The following RNF19A variants were observed in gnomAD, a reference collection of about 807,000 sequenced individuals.
RNF19A encodes the protein ring finger protein 19A, RBR E3 ubiquitin protein ligase.
In RNF19A, 32 loss-of-function variants were observed where a neutral mutation model predicts 75.7. The observed-to-expected ratio is 0.42, with a 90% confidence interval of 0.32 to 0.57. RNF19A has a LOEUF of 0.57. Among genes scored for constraint, RNF19A ranks in the 20% least tolerant of loss-of-function variants. The pLI is 0.10. For synonymous variants in RNF19A, 335 were observed against 345.2 expected, an observed-to-expected ratio of 0.97 and a Z score of 0.33; for missense variants, 782 against 1,036.3, an observed-to-expected ratio of 0.75 and a Z score of 3.37.
At chr8:100,312,257 A>G (rs555391224), upstream of RNF19A, 12 of 152,364 alleles carry the variant, frequency 7.9e-5, no homozygotes, top group African/African-American at 2.9e-4. Context: ...GTTGCACCCA[A>G]CAATTAAATC....
rs1034076595 is a variant in RNF19A at position 100,293,540 on chromosome 8, T to C, written c.-93-5273A>G. Among the ~76,000 whole-genome samples the C allele has an allele frequency of 3.3e-5, 5 of 152,350 alleles. No individual in the cohort carries two copies. In the South Asian group the frequency reaches 1.0e-3, roughly 32 times the overall value. On this transcript the variant is annotated intron_variant, in intron 1 of 9. Coordinates refer to ENST00000341084, the MANE Select transcript of RNF19A (RefSeq NM_183419.4). ...CTTGCATTCAACATTGTTTTCTATCTTGGATGTTCAGCAGTTTGATAAAGA... is the reference window on the plus strand; with the variant it reads ...CTTGCATTCAACATTGTTTTCTATCCTGGATGTTCAGCAGTTTGATAAAGA...
intron 2 of RNF19A, among the ~76,000 whole-genome samples, chr8:100,276,096 T>C (rs895185865): frequency 6.6e-6 from 1 of 152,252 alleles, no homozygotes; most frequent in Non-Finnish European, 1.5e-5. Context: ...AGGCATTCTT[T>C]GGCATTTATC....
intron 1 of RNF19A, among the ~76,000 whole-genome samples, chr8:100,305,601 T>A (rs545124409): frequency 6.6e-6 from 1 of 152,356 alleles, no homozygotes; most frequent in Admixed American, 6.5e-5. Flanking sequence ...GTATTTCTAT[T>A]GGACAACACT....
chr8:100,316,008 T>C (rs1383056406), intron 1 of RNF19A, among the ~76,000 whole-genome samples: 2 of 152,182 alleles, frequency 1.3e-5, no homozygotes, highest in East Asian at 1.9e-4. Context: ...CCGTGGACCC[T>C]TGCGGTGAGT....
At chr8:100,277,121 T>C (rs559714821) in intron 2 of RNF19A, among the ~76,000 whole-genome samples, 82 of 152,358 alleles carry the variant, frequency 5.4e-4, no homozygotes, top group African/African-American at 1.9e-3. Flanking sequence ...GTTTTATCAA[T>C]GCATGTCTTT....
In RNF19A at chr8:100,260,608, A is replaced by G. The variant is rs374761999; in HGVS notation, c.1683-611T>C. Among the ~76,000 whole-genome samples the G allele has an allele frequency of 1.4e-4, 22 of 152,350 alleles. No individual in the cohort carries two copies. In the South Asian group the frequency reaches 3.7e-3, roughly 26 times the overall value. The stretch of plus-strand genomic sequence containing the variant: ...TTAAAAAGAGGTAGTATATACCACT[A>G]TAACTTAAGAGTTTGTATTTAAAAG... On this transcript the variant is annotated intron_variant, in intron 8 of 9. Transcript: ENST00000341084. The surrounding 1 kb of genome is among the most constrained non-coding windows in gnomAD (Gnocchi z 4.1).
In RNF19A at chr8:100,261,698, C is replaced by T. The variant is rs772925847; in HGVS notation, c.1526G>A (p.Gly509Asp). 9 of 1,614,034 alleles carry T rather than the reference C, an allele frequency of 5.6e-6. No individual in the cohort carries two copies. Among genetic ancestry groups the T allele is most frequent in the Admixed American group, 5.0e-5 (3 of 59,988 alleles). The change falls in exon 8 of 10, where the codon GGT becomes GAT. Residue 509 changes from glycine (G) to aspartate (D), a missense_variant. By Grantham distance (94) the Gly-to-Asp change is moderately conservative. Around this residue, in one of 7 missense-constraint regions of RNF19A, gnomAD observed 442 missense variants for 541.6 expected, o/e 0.82. Transcript: ENST00000341084. The surrounding 1 kb of genome is among the most constrained non-coding windows in gnomAD (Gnocchi z 4.4). ...TGCACTCAAACTGCCAGTCAGCCCA[C>T]CAACACTTCCCTCCCCTATGCTTGG... is the stretch of plus-strand genomic sequence containing the variant. The part of the protein sequence containing the change: ...HNPSIGEGSV[G>D]GLTGSLSASG...
At chr8:100,274,028 G>A (rs1333813050) in intron 3 of RNF19A, among the ~76,000 whole-genome samples, 4 of 151,948 alleles carry the variant, frequency 2.6e-5, no homozygotes, top group African/African-American at 4.8e-5. Flanking sequence ...CAAGTGATTC[G>A]CCTGCCTCAG....
At chr8:100,293,189 C>T (rs566036265) in intron 1 of RNF19A, among the ~76,000 whole-genome samples, 2 of 152,326 alleles carry the variant, frequency 1.3e-5, no homozygotes, top group South Asian at 4.1e-4. Context: ...ACACTGTGGC[C>T]CAAGGGTTGG....
rs1822619590 is a variant in RNF19A, at chr8:100,332,091, C to A, written c.-243+4017G>T. On this transcript the variant is annotated intron_variant, in intron 1 of 3. Coordinates refer to the RNF19A transcript ENST00000519527. The surrounding 1 kb of genome is among the most constrained non-coding windows in gnomAD (Gnocchi z 4.8). Reference sequence around the variant, plus strand: ...ATTATCTGGGTTATATATTATTTTACACATATTGTGAATTACCTGTAGGAT... The same window carrying A: ...ATTATCTGGGTTATATATTATTTTAAACATATTGTGAATTACCTGTAGGAT... Among the ~76,000 whole-genome samples the A allele has an allele frequency of 6.6e-6, 1 of 152,158 alleles. No homozygotes were observed. The highest frequency in any genetic ancestry group is 2.1e-4 in the South Asian group (1 of 4,822).
At chr8:100,306,240 A>C (rs1033393172) in intron 1 of RNF19A, among the ~76,000 whole-genome samples, 5 of 152,222 alleles carry the variant, frequency 3.3e-5, no homozygotes, top group African/African-American at 1.2e-4. Context: ...TTTTGGGCGT[A>C]AACAAGCTAA....
chr8:100,272,088 C>T (rs1820283172), intron 3 of RNF19A, among the ~76,000 whole-genome samples: 1 of 151,926 alleles, frequency 6.6e-6, no homozygotes, highest in African/African-American at 2.4e-5. Context: ...AGGGTGGTAG[C>T]GGTAAGGGGA....
chr8:100,260,066 A>G lies in RNF19A; in HGVS notation c.1683-69T>C. The G allele has an allele frequency of 7.3e-7, 1 of 1,378,944 alleles. No homozygotes were observed. The highest frequency in any genetic ancestry group is 1.0e-6 in the Non-Finnish European group (1 of 982,694). 85.4% of individuals were successfully genotyped at this position (1,378,944 alleles called of 1,614,324 possible). A position where few individuals can be genotyped will look rare whatever the true frequency, so the allele number is the denominator to read the frequency against. On this transcript the variant is annotated intron_variant, in intron 8 of 9. Transcript: ENST00000341084. This position sits in a 1 kb window ranked among gnomAD's most constrained non-coding sequence, Gnocchi z 4.1. ...GCACTACTGTAATATGTATCTTTAAATAATTCAGTTAAGAACCCTAGTAAC... is the reference window on the plus strand; with the variant it reads ...GCACTACTGTAATATGTATCTTTAAGTAATTCAGTTAAGAACCCTAGTAAC...
chr8:100,322,371 C>T lies in RNF19A; in HGVS notation c.-242-8999G>A, dbSNP rs1020223891. Among the ~76,000 whole-genome samples the T allele has an allele frequency of 2.0e-5, 3 of 152,224 alleles. No individual in the cohort carries two copies. ...CTTTCCTTATACCTCATGATCCAAC[C>T]TCTGCTAGCTTCAAACTTTTCTTCT... On this transcript the variant is annotated intron_variant, in intron 1 of 3. Coordinates refer to the RNF19A transcript ENST00000519527. This position sits in a 1 kb window ranked among gnomAD's most constrained non-coding sequence, Gnocchi z 5.1.
intron 1 of RNF19A, among the ~76,000 whole-genome samples, chr8:100,334,204 C>T (rs1278507613): frequency 6.6e-6 from 1 of 152,234 alleles, no homozygotes; most frequent in African/African-American, 2.4e-5. Context: ...TTCTTTTCAT[C>T]ATAGCCACAA....
In RNF19A at chr8:100,284,381, A is replaced by C. The variant is rs1192508113; in HGVS notation, c.674+3120T>G. ...ACCTACATCACCAAGTATGTGAAATACGACCATAACAACTAACAGAGCAGT... is the reference window on the plus strand; with the variant it reads ...ACCTACATCACCAAGTATGTGAAATCCGACCATAACAACTAACAGAGCAGT... On this transcript the variant is annotated intron_variant, in intron 2 of 9. Coordinates refer to ENST00000341084, the MANE Select transcript of RNF19A (RefSeq NM_183419.4). This position sits in a 1 kb window ranked among gnomAD's most constrained non-coding sequence, Gnocchi z 4.3. Among the ~76,000 whole-genome samples, 1 of 152,184 alleles carries C rather than the reference A, an allele frequency of 6.6e-6. No homozygotes were observed. The highest frequency in any genetic ancestry group is 2.4e-5 in the African/African-American group (1 of 41,460).
At chr8:100,297,993 T>G (rs1014564421) in intron 1 of RNF19A, among the ~76,000 whole-genome samples, 8 of 152,280 alleles carry the variant, frequency 5.3e-5, no homozygotes. Context: ...CTATGTGACA[T>G]TGGGTTAAAT....
upstream of RNF19A, among the ~76,000 whole-genome samples, chr8:100,311,882 C>G (rs1328217815): frequency 6.6e-6 from 1 of 152,210 alleles, no homozygotes; most frequent in Non-Finnish European, 1.5e-5. Flanking sequence ...AGAGATGCTG[C>G]TTCTGGCTTT....
chr8:100,278,303 A>T (rs534905098), intron 2 of RNF19A, among the ~76,000 whole-genome samples: 102 of 152,376 alleles, frequency 6.7e-4, no homozygotes, highest in African/African-American at 2.4e-3. Context: ...TCATTTCTAC[A>T]TAAGTAATAT....
Sources: gnomAD v4.1 joint callset for allele counts (sites outside exome capture counted in the v4.1 genomes callset) on GRCh38, gnomAD v4.1.1 for gene constraint, gnomAD v4.1.1 regional missense constraint, Gnocchi (gnomAD v3.1) non-coding constraint, MANE v1.5 for transcripts, NCBI Gene and HGNC (gene_info 2026-07-23, HGNC 2026-07-21) for gene names.